Variants in HOMER2 observed in about 807,000 individuals in gnomAD.
HOMER2 encodes homer protein homolog 2.
Under a neutral mutation model 47.0 loss-of-function variants are expected in HOMER2, and 27 were observed. That is an observed-to-expected ratio of 0.57 (90% confidence interval 0.42 to 0.79). The LOEUF is 0.79. HOMER2 is among the 30% of genes least tolerant of loss of function. The pLI is 0.00. For missense variants in HOMER2, 443 were observed against 435.0 expected, an observed-to-expected ratio of 1.02 and a Z score of -0.16; for synonymous variants, 161 against 163.8, an observed-to-expected ratio of 0.98 and a Z score of 0.13.
intron 5 of HOMER2, among the ~76,000 whole-genome samples, chr15:82,855,635 G>T (rs2051561206): frequency 6.6e-6 from 1 of 152,214 alleles, no homozygotes; most frequent in African/African-American, 2.4e-5. Context: ...AGGGCCTAGG[G>T]CTTGGAGACA....
chr15:82,910,818 T>C (rs2053431858), intron 1 of HOMER2, among the ~76,000 whole-genome samples: 1 of 152,150 alleles, frequency 6.6e-6, no homozygotes, highest in African/African-American at 2.4e-5. Flanking sequence ...ATTCTTCATT[T>C]TGTCTCAGCA....
intron 4 of HOMER2, among the ~76,000 whole-genome samples, chr15:82,862,190 G>A (rs1032876664): frequency 3.3e-5 from 5 of 151,680 alleles, no homozygotes; most frequent in East Asian, 3.9e-4. Flanking sequence ...GGTGTGAGCC[G>A]CTGTACCCAG....
intron 2 of HOMER2, among the ~76,000 whole-genome samples, chr15:82,879,706 T>C (rs1567030840): frequency 6.6e-6 from 1 of 152,208 alleles, no homozygotes; most frequent in Non-Finnish European, 1.5e-5. Context: ...AGGGTGGTGG[T>C]TGCTGAAGGG....
At chr15:82,863,477 G>T (rs1329281759) in intron 4 of HOMER2, among the ~76,000 whole-genome samples, 1 of 152,190 alleles carries the variant, frequency 6.6e-6, no homozygotes, top group African/African-American at 2.4e-5. Context: ...TCAGCTGCCA[G>T]CAGGCAGACT....
downstream of HOMER2, chr15:82,846,066 C>T (rs1239765019): frequency 1.3e-5 from 2 of 152,316 alleles, no homozygotes; most frequent in African/African-American, 4.8e-5. Flanking sequence ...AGGTCCCGTT[C>T]AAGCTGCTCC....
chr15:82,874,349 A>C (rs1387427908), intron 3 of HOMER2, among the ~76,000 whole-genome samples: 2 of 152,212 alleles, frequency 1.3e-5, no homozygotes, highest in African/African-American at 4.8e-5. Flanking sequence ...TTTGACTTGT[A>C]AACTAGTCAG....
chr15:82,864,307 G>A (rs772245850), intron 3 of HOMER2, 48 bp from the exon 4 acceptor site: 2 of 1,331,760 alleles, frequency 1.5e-6, no homozygotes, highest in South Asian at 1.2e-5. Flanking sequence ...CTCACTCATG[G>A]CTGGTATTCA....
chr15:82,877,159 GT>G (rs886584888), intron 2 of HOMER2, among the ~76,000 whole-genome samples: 2 of 152,002 alleles, frequency 1.3e-5, no homozygotes, highest in African/African-American at 4.8e-5. Context: ...ATTTGGGAAA[GT>G]TTTTTTGTTT....
chr15:82,985,907 A>C (rs1180025445), upstream of HOMER2: 1 of 241,116 alleles, frequency 4.1e-6, no homozygotes, highest in Non-Finnish European at 6.7e-6. Flanking sequence ...AGGCGGCCGG[A>C]AGGAGCCCTT....
At chr15:82,854,554 T>C (rs2051502233) in intron 6 of HOMER2, 90 bp downstream of exon 6, 5 of 1,391,236 alleles carry the variant, frequency 3.6e-6, no homozygotes, top group Admixed American at 4.1e-5. Flanking sequence ...AAGGGCAAAG[T>C]TGGGGAGGGA....
intron 1 of HOMER2, among the ~76,000 whole-genome samples, chr15:82,895,974 A>C (rs1199492440): frequency 6.6e-6 from 1 of 152,110 alleles, no homozygotes; most frequent in Non-Finnish European, 1.5e-5. Flanking sequence ...TGATCTAAAA[A>C]AGAAAAAAAG....
intron 2 of HOMER2, among the ~76,000 whole-genome samples, chr15:82,892,198 A>G (rs1020233767): frequency 3.9e-5 from 6 of 152,188 alleles, no homozygotes; most frequent in African/African-American, 1.4e-4. Context: ...GCAAGGGTGC[A>G]ACAACAGACA....
chr15:82,985,650 T>C (rs1348486191), intron 1 of HOMER2: 1 of 152,216 alleles, frequency 6.6e-6, no homozygotes, highest in East Asian at 1.9e-4. Flanking sequence ...ATTAAGTGTT[T>C]ATACATTTGC....
chr15:82,952,442 C>T (rs2054527884), intron 1 of HOMER2, 89 bp downstream of exon 1: 2 of 968,530 alleles, frequency 2.1e-6, no homozygotes, highest in Non-Finnish European at 2.6e-6. Context: ...GCCGGCCCGC[C>T]GGGAGGCTCC....
chr15:82,951,436 ACCCAGGGGGG>A (rs1179122481), intron 1 of HOMER2, among the ~76,000 whole-genome samples: 1 of 152,206 alleles, frequency 6.6e-6, no homozygotes, highest in African/African-American at 2.4e-5. Context: ...AAAGCCACTG[ACCCAGGGGGG>A]CTGAGCCAGG....
chr15:82,959,264 C>G (rs75299086), exon 2 of HOMER2: 1,655 of 152,534 alleles, frequency 0.011, 9 homozygotes, highest in Non-Finnish European at 0.017. Flanking sequence ...GTGGAGGCAG[C>G]TTCTCACAGA....
At chr15:82,939,294 C>T (rs1052746364) in intron 1 of HOMER2, among the ~76,000 whole-genome samples, 16 of 152,220 alleles carry the variant, frequency 1.1e-4, no homozygotes, top group Admixed American at 3.3e-4. Context: ...TGCATTCTCT[C>T]ATCCTAACAA....
chr15:82,983,460 T>C (rs1430818868), intron 1 of HOMER2, among the ~76,000 whole-genome samples: 1 of 152,226 alleles, frequency 6.6e-6, no homozygotes, highest in Non-Finnish European at 1.5e-5. Context: ...TCACCAGTGT[T>C]TCAAATTTTA....
intron 1 of HOMER2, among the ~76,000 whole-genome samples, chr15:82,896,496 T>C (rs776960703): frequency 6.6e-6 from 1 of 152,146 alleles, no homozygotes; most frequent in African/African-American, 2.4e-5. Context: ...AATGCAACGA[T>C]GTTGGAAGAA....
Sources: gnomAD v4.1 joint callset for allele counts (sites outside exome capture counted in the v4.1 genomes callset) on GRCh38, gnomAD v4.1.1 for gene constraint, MANE v1.5 for transcripts, NCBI Gene and HGNC (gene_info 2026-07-23, HGNC 2026-07-21) for gene names.